NEK1: variants seen among roughly 807,000 people sequenced by gnomAD.
NEK1 encodes the protein serine/threonine-protein kinase Nek1.
In NEK1, 137 loss-of-function variants were observed where a neutral mutation model predicts 182.1. The ratio of observed to expected loss-of-function variants is 0.75; its 90% CI spans 0.65 to 0.87. The LOEUF (loss-of-function observed/expected upper bound fraction) is 0.87. NEK1 is among the 40% of genes least tolerant of loss of function. NEK1 has a pLI of 0.00. For missense variants in NEK1, 1,391 were observed against 1,494.4 expected, an observed-to-expected ratio of 0.93 and a Z score of 1.14; for synonymous variants, 513 against 492.2, an observed-to-expected ratio of 1.04 and a Z score of -0.56.
intron 35 of NEK1, among the ~76,000 whole-genome samples, chr4:169,399,265 A>T (rs1446031958): frequency 6.7e-6 from 1 of 149,048 alleles, no homozygotes; most frequent in Non-Finnish European, 1.5e-5. Flanking sequence ...AAAACGTTTA[A>T]TACCACATCC....
intron 23 of NEK1, among the ~76,000 whole-genome samples, chr4:169,495,505 G>C (rs1240720397): frequency 6.6e-6 from 1 of 152,108 alleles, no homozygotes; most frequent in Admixed American, 6.5e-5. Context: ...GCCTCCCAAA[G>C]TGCTGGGATT....
At chr4:169,542,323 G>C (rs1024075965) in intron 18 of NEK1, among the ~76,000 whole-genome samples, 20 of 152,156 alleles carry the variant, frequency 1.3e-4, no homozygotes, top group Admixed American at 9.2e-4. Context: ...CCCTGCAAAG[G>C]ACATGAACTC....
At chr4:169,395,905 G>A (rs1419916538) in intron 35 of NEK1, among the ~76,000 whole-genome samples, 1 of 152,084 alleles carries the variant, frequency 6.6e-6, no homozygotes, top group Non-Finnish European at 1.5e-5. Flanking sequence ...TACATAAATG[G>A]TGTAATATTC....
At chr4:169,415,364 GA>G (rs1458609933) in intron 31 of NEK1, among the ~76,000 whole-genome samples, 1 of 152,184 alleles carries the variant, frequency 6.6e-6, no homozygotes, top group African/African-American at 2.4e-5. Context: ...GGCTGTTACA[GA>G]AAACTCCAGT....
chr4:169,406,532 CCT>C (rs891053925), intron 32 of NEK1, 62 bp downstream of exon 32: 37 of 1,221,794 alleles, frequency 3.0e-5, no homozygotes, highest in South Asian at 7.2e-5. Context: ...TAAGTTATCC[CCT>C]CTTTTTTACA....
chr4:169,560,085 T>C (rs1185116863), intron 16 of NEK1, among the ~76,000 whole-genome samples: 1 of 152,240 alleles, frequency 6.6e-6, no homozygotes. Flanking sequence ...TATTGCTGTA[T>C]AACAAACTAT....
chr4:169,577,183 A>G, intron 11 of NEK1, 104 bp from the exon 12 acceptor site: 2 of 1,096,724 alleles, frequency 1.8e-6, no homozygotes, highest in South Asian at 1.5e-5. Context: ...AATCATTGAT[A>G]GTATTTTAAA....
chr4:169,400,975 C>A (rs1288872656), intron 33 of NEK1, among the ~76,000 whole-genome samples: 1 of 150,802 alleles, frequency 6.6e-6, no homozygotes, highest in Non-Finnish European at 1.5e-5. Context: ...AAGCAGCTAA[C>A]CCTAACTAGT....
intron 16 of NEK1, among the ~76,000 whole-genome samples, chr4:169,559,206 C>G (rs1762557436): frequency 6.6e-6 from 1 of 152,086 alleles, no homozygotes; most frequent in African/African-American, 2.4e-5. Context: ...TAGGAAAAAG[C>G]ACTTTATTAC....
At chr4:169,462,436 G>C (rs1019500221) in intron 27 of NEK1, among the ~76,000 whole-genome samples, 6 of 151,968 alleles carry the variant, frequency 3.9e-5, no homozygotes, top group African/African-American at 1.4e-4. Context: ...TAATATTAAA[G>C]AAAATAACAG....
At chr4:169,398,273 C>T (rs542280112) in intron 35 of NEK1, among the ~76,000 whole-genome samples, 1 of 149,914 alleles carries the variant, frequency 6.7e-6, no homozygotes, top group East Asian at 1.9e-4. Flanking sequence ...TCACAACTAA[C>T]AGAAATTTTC....
chr4:169,479,390 T>C lies in NEK1; in HGVS notation c.2139+13A>G, dbSNP rs369548359. 57 of 1,605,528 alleles carry C rather than the reference T, an allele frequency of 3.6e-5. No individual in the cohort carries two copies. The African/African-American group carries it at 7.5e-4, about 21-fold the overall frequency. ...TTTTGACTTTGAGGAGTTCTGAATCTTAGGAAACTTACCACGCCAACTTCT... is the reference window on the plus strand; with the variant it reads ...TTTTGACTTTGAGGAGTTCTGAATCCTAGGAAACTTACCACGCCAACTTCT... On this transcript the variant is annotated intron_variant, in intron 24 of 35. Transcript: ENST00000507142.
intron 23 of NEK1, among the ~76,000 whole-genome samples, chr4:169,480,514 A>C (rs1479442258): frequency 6.6e-6 from 1 of 150,732 alleles, no homozygotes; most frequent in African/African-American, 2.4e-5. Flanking sequence ...CATTCCTAAA[A>C]AAAAAAAAAA....
intron 10 of NEK1, among the ~76,000 whole-genome samples, chr4:169,583,266 C>CA (rs113591219): frequency 0.12 from 14,929 of 124,470 alleles, 1,018 homozygotes; most frequent in East Asian, 0.16. Context: ...GACTCCATCT[C>CA]AAAAAAAAAA....
chr4:169,563,436 A>G (rs920255289), intron 12 of NEK1, among the ~76,000 whole-genome samples: 2 of 151,814 alleles, frequency 1.3e-5, no homozygotes, highest in African/African-American at 4.8e-5. Context: ...CTAATCATTT[A>G]TTTTTTACAT....
chr4:169,416,086 A>G (rs570463630), intron 31 of NEK1, among the ~76,000 whole-genome samples: 14 of 152,266 alleles, frequency 9.2e-5, no homozygotes, highest in Non-Finnish European at 2.1e-4. Flanking sequence ...CAGATTCGAA[A>G]ACTAAGGACA....
At chr4:169,530,236 TGCAGGA>T in intron 19 of NEK1, among the ~76,000 whole-genome samples, 1 of 152,168 alleles carries the variant, frequency 6.6e-6, no homozygotes, top group Non-Finnish European at 1.5e-5. Flanking sequence ...ATCATTACAG[TGCAGGA>T]AAGAAACCAG....
intron 4 of NEK1, among the ~76,000 whole-genome samples, chr4:169,599,668 T>C (rs961604291): frequency 6.6e-6 from 1 of 152,206 alleles, no homozygotes; most frequent in African/African-American, 2.4e-5. Context: ...AGTGTTGTGA[T>C]AAACTCTGAG....
intron 16 of NEK1, among the ~76,000 whole-genome samples, chr4:169,558,936 C>T (rs1185188592): frequency 6.6e-6 from 1 of 152,000 alleles, no homozygotes; most frequent in East Asian, 1.9e-4. Flanking sequence ...GATACTGAGC[C>T]TCCAGGTCCT....
Sources: allele counts gnomAD v4.1 joint callset (sites outside exome capture counted in the v4.1 genomes callset), GRCh38; gene constraint gnomAD v4.1.1; transcripts MANE v1.5; gene names NCBI Gene and HGNC (gene_info 2026-07-23, HGNC 2026-07-21).